Variants in LGR4 observed in about 807,000 individuals in gnomAD.
LGR4 encodes leucine-rich repeat-containing G protein-coupled receptor 4.
A neutral mutation model predicts 84.8 loss-of-function variants in LGR4; 44 were observed. The observed-to-expected ratio is 0.52, with a 90% CI of 0.41 to 0.67. The LOEUF (loss-of-function observed/expected upper bound fraction) is 0.67. LGR4 is among the 30% of genes least tolerant of loss of function. The pLI, the probability that LGR4 is intolerant of heterozygous loss-of-function variation, is 0.00. For missense variants in LGR4, 1,032 were observed against 1,131.4 expected (o/e 0.91, Z 1.26); for synonymous variants, 429 against 434.3 (o/e 0.99, Z 0.15).
chr11:27,432,265 C>G (rs1238373902), intron 1 of LGR4, among the ~76,000 whole-genome samples: 1 of 152,236 alleles, frequency 6.6e-6, no homozygotes, highest in African/African-American at 2.4e-5. Context: ...AACACCTTCT[C>G]TCCCCAGCCA....
chr11:27,446,713 T>C (rs989176276), intron 1 of LGR4, among the ~76,000 whole-genome samples: 108 of 152,152 alleles, frequency 7.1e-4, no homozygotes, highest in African/African-American at 2.4e-3. Flanking sequence ...ATAAATCATG[T>C]TGCTATAAAG....
chr11:27,400,945 C>A (rs190677258), intron 2 of LGR4, among the ~76,000 whole-genome samples: 34 of 152,294 alleles, frequency 2.2e-4, no homozygotes, highest in African/African-American at 7.2e-4. Flanking sequence ...TCTAAGAAAG[C>A]ACATCAGAAC....
intron 1 of LGR4, among the ~76,000 whole-genome samples, chr11:27,415,876 A>T (rs867998394): frequency 6.6e-6 from 1 of 152,164 alleles, no homozygotes; most frequent in African/African-American, 2.4e-5. Flanking sequence ...TTAAGAGTAG[A>T]TTCTAGATCT....
intron 1 of LGR4, among the ~76,000 whole-genome samples, chr11:27,437,698 T>TGTGTGTGTG (rs1864235625): frequency 7.9e-5 from 12 of 151,292 alleles, no homozygotes; most frequent in Middle Eastern, 3.2e-3. Flanking sequence ...TGTGTGTGTG[T>TGTGTGTGTG]TTATGCTAAA....
At chr11:27,446,071 A>G (rs780287753) in intron 1 of LGR4, among the ~76,000 whole-genome samples, 1 of 152,350 alleles carries the variant, frequency 6.6e-6, no homozygotes, top group South Asian at 2.1e-4. Flanking sequence ...CAAGGGAAGA[A>G]CTAAAAAGAT....
chr11:27,371,789 G>A, intron 16 of LGR4, 91 bp from the exon 17 acceptor site: 1 of 833,214 alleles, frequency 1.2e-6, no homozygotes, highest in Non-Finnish European at 2.0e-6. Flanking sequence ...ATATAAGTGT[G>A]AGTTCTCCTT....
In LGR4 at chr11:27,366,124, A is replaced by G. The variant is rs527307026; in HGVS notation, c.*1743T>C. ...GAATTTTGGAAAAAACCTTTTAATT[A>G]GGAGTTTCTTACCAAGTTATGATTT... is the stretch of plus-strand genomic sequence containing the variant. On this transcript the variant is annotated 3_prime_UTR_variant, in exon 18 of 18. Coordinates refer to ENST00000379214, the MANE Select transcript of LGR4 (RefSeq NM_018490.5). 1.4e-4 allele frequency: 21 copies of G among 152,582 alleles called. No individual in the cohort carries two copies. The highest frequency in any genetic ancestry group is 2.5e-4 in the Non-Finnish European group (17 of 67,966). 9.5% of individuals were successfully genotyped at this position (152,582 alleles called of 1,614,324 possible).
intron 1 of LGR4, among the ~76,000 whole-genome samples, chr11:27,459,285 G>A (rs1864632296): frequency 6.6e-6 from 1 of 152,096 alleles, no homozygotes; most frequent in Non-Finnish European, 1.5e-5. Flanking sequence ...CAGTCTACAT[G>A]TCTGAAAAAC....
At chr11:27,466,528 C>T (rs1225206505) in intron 1 of LGR4, among the ~76,000 whole-genome samples, 1 of 152,156 alleles carries the variant, frequency 6.6e-6, no homozygotes, top group Admixed American at 6.5e-5. Flanking sequence ...GAGAGATAGA[C>T]CTGACAGAGA....
intron 1 of LGR4, among the ~76,000 whole-genome samples, chr11:27,423,992 G>C (rs1230780855): frequency 6.6e-6 from 1 of 152,188 alleles, no homozygotes; most frequent in Non-Finnish European, 1.5e-5. Context: ...ATAGTTTTCT[G>C]TCCAGAGAAA....
Position 27,367,879 on chromosome 11 carries a change from T to C in LGR4, c.2844A>G (p.Arg948=). Residue 948 remains arginine (R), a synonymous_variant, in exon 18 of 18, where the codon AGA becomes AGG. Coordinates refer to ENST00000379214, the MANE Select transcript of LGR4 (RefSeq NM_018490.5). The part of the protein sequence containing the change: ...PLVRYAYNLP[R]VKD The stretch of plus-strand genomic sequence containing the variant: ...CACACACAGTAGTTCAGTCTTTAAC[T>C]CTTGGTAGATTGTAAGCATAGCGCA... 6.3e-7 allele frequency: 1 copy of C among 1,590,522 alleles called. No individual in the cohort carries two copies. The highest frequency in any genetic ancestry group is 8.5e-7 in the Non-Finnish European group (1 of 1,172,976).
At chr11:27,387,310 C>T (rs1042482513) in intron 4 of LGR4, among the ~76,000 whole-genome samples, 3 of 152,008 alleles carry the variant, frequency 2.0e-5, no homozygotes, top group East Asian at 1.9e-4. Flanking sequence ...ACAATAAACA[C>T]GTTACAAAAT....
At chr11:27,401,371 G>C (rs1863500226) in intron 2 of LGR4, among the ~76,000 whole-genome samples, 1 of 152,084 alleles carries the variant, frequency 6.6e-6, no homozygotes, top group African/African-American at 2.4e-5. Context: ...GGAACCCATG[G>C]AATACTTTAT....
chr11:27,376,431 G>T, intron 12 of LGR4, 61 bp from the exon 13 acceptor site: 1 of 839,602 alleles, frequency 1.2e-6, no homozygotes, highest in Non-Finnish European at 1.9e-6. Flanking sequence ...AACAGGAGGA[G>T]GAGGAAAGAG....
chr11:27,444,107 G>T (rs1864348618), intron 1 of LGR4, among the ~76,000 whole-genome samples: 1 of 150,442 alleles, frequency 6.6e-6, no homozygotes, highest in African/African-American at 2.4e-5. Flanking sequence ...AAAAAAAATA[G>T]CAGGGATTTT....
chr11:27,417,343 T>TA (rs961108735), intron 1 of LGR4, among the ~76,000 whole-genome samples: 7 of 151,620 alleles, frequency 4.6e-5, no homozygotes, highest in South Asian at 2.1e-4. Context: ...TAGAAATAAA[T>TA]AAAAAAAACT....
Position 27,367,997 on chromosome 11 carries a change from G to C in LGR4, c.2726C>G (p.Ala909Gly). 6.2e-7 allele frequency: 1 copy of C among 1,614,060 alleles called. No homozygotes were observed. The highest frequency in any genetic ancestry group is 1.1e-5 in the South Asian group (1 of 91,076). Residue 909 changes from alanine (A) to glycine (G), a missense_variant, in exon 18 of 18, where the codon GCA becomes GGA. By Grantham distance (60) the Ala-to-Gly change is moderately conservative. Transcript: ENST00000379214. ...CGTQSAHSDY[A>G]DEEDSFVSDS... ...TGAGACAAAGGAATCTTCTTCATCT[G>C]CATAATCAGAGTGGGCCGACTGTGT...
intron 2 of LGR4, among the ~76,000 whole-genome samples, chr11:27,400,574 C>T (rs1418383663): frequency 1.3e-5 from 2 of 151,522 alleles, no homozygotes; most frequent in Non-Finnish European, 2.9e-5. Flanking sequence ...GCAATCTCGG[C>T]TGACTGCAAC....
intron 1 of LGR4, among the ~76,000 whole-genome samples, chr11:27,425,978 GC>G (rs1864017942): frequency 6.6e-6 from 1 of 152,136 alleles, no homozygotes; most frequent in East Asian, 1.9e-4. Flanking sequence ...AGCCTCTAGT[GC>G]CATGTGTGGT....
Sources: allele counts gnomAD v4.1 joint callset (sites outside exome capture counted in the v4.1 genomes callset), GRCh38; gene constraint gnomAD v4.1.1; transcripts MANE v1.5; gene names NCBI Gene and HGNC (gene_info 2026-07-23, HGNC 2026-07-21).